The following HTRA1 variants were observed in gnomAD, a reference collection of about 807,000 sequenced individuals.
The protein encoded by HTRA1 is HtrA serine peptidase 1.
A neutral mutation model predicts 49.7 loss-of-function variants in HTRA1; 26 were observed. The ratio of observed to expected loss-of-function variants is 0.52; its 90% CI spans 0.38 to 0.73. The LOEUF (loss-of-function observed/expected upper bound fraction) is 0.73. Ranked by LOEUF, HTRA1 falls within the 30% of genes least tolerant of loss-of-function variation. HTRA1 has a pLI of 0.00. For synonymous variants in HTRA1, 291 were observed against 286.9 expected (o/e 1.01, Z -0.14); for missense variants, 561 against 667.2 (o/e 0.84, Z 1.75).
chr10:122,468,761 G>A (rs1186892480), intron 1 of HTRA1, among the ~76,000 whole-genome samples: 2 of 152,132 alleles, frequency 1.3e-5, no homozygotes, highest in Non-Finnish European at 2.9e-5. Flanking sequence ...ATGTCATCTC[G>A]TTAACTCTCC....
At chr10:122,499,583 T>C (rs996054900) in intron 3 of HTRA1, among the ~76,000 whole-genome samples, 8 of 152,162 alleles carry the variant, frequency 5.3e-5, no homozygotes, top group Non-Finnish European at 8.8e-5. Context: ...CCCCTGCCCA[T>C]GTGCTCACTT....
intron 3 of HTRA1, among the ~76,000 whole-genome samples, chr10:122,501,181 G>A (rs1433243563): frequency 6.6e-6 from 1 of 152,174 alleles, no homozygotes; most frequent in Non-Finnish European, 1.5e-5. Context: ...GGGTCGTGAA[G>A]GCTGCATACC....
At chr10:122,508,816 G>A in intron 6 of HTRA1, 46 bp downstream of exon 6, 1 of 1,135,196 alleles carries the variant, frequency 8.8e-7, no homozygotes, top group Non-Finnish European at 1.3e-6. Context: ...GATGGGGCCT[G>A]AAGCTCAGCT....
intron 1 of HTRA1, among the ~76,000 whole-genome samples, chr10:122,488,648 C>A (rs1216240456): frequency 6.6e-6 from 1 of 152,174 alleles, no homozygotes; most frequent in African/African-American, 2.4e-5. Flanking sequence ...TTGCTGGTGC[C>A]TCTGCTCAAC....
chr10:122,489,744 C>A, intron 3 of HTRA1, 118 bp downstream of exon 3: 3 of 949,914 alleles, frequency 3.2e-6, no homozygotes, highest in Non-Finnish European at 4.9e-6. Context: ...CCAGTCTGAG[C>A]CAGTCACAGG....
At chr10:122,470,377 T>C (rs1407825989) in intron 1 of HTRA1, among the ~76,000 whole-genome samples, 5 of 152,200 alleles carry the variant, frequency 3.3e-5, no homozygotes, top group Non-Finnish European at 7.3e-5. Context: ...ATAAGGGGTA[T>C]GGAGGAGCTT....
chr10:122,504,676 C>T (rs570360154), intron 3 of HTRA1, among the ~76,000 whole-genome samples: 4 of 152,320 alleles, frequency 2.6e-5, no homozygotes, highest in Non-Finnish European at 4.4e-5. Context: ...CCTGGTGTGG[C>T]CTAGTGCACA....
At position 122,510,011 on chromosome 10, in the gene HTRA1, G is replaced by A. The variant is rs541410879; in HGVS notation, c.1121-85G>A. 1.8e-4 allele frequency: 207 copies of A among 1,160,380 alleles called. 1 individual carries two copies. The African/African-American group carries it at 2.5e-3, about 14-fold the overall frequency. 71.9% of individuals were successfully genotyped at this position (1,160,380 alleles called of 1,614,324 possible). On this transcript the variant is annotated intron_variant, in intron 6 of 8. Coordinates refer to ENST00000368984, the MANE Select transcript of HTRA1 (RefSeq NM_002775.5). Reference sequence around the variant, plus strand: ...CCTTCTGTGGCCCTTCCTGCAACCTGGGGGATTGGGCCCCCGGCCCCTGGT... The same window carrying A: ...CCTTCTGTGGCCCTTCCTGCAACCTAGGGGATTGGGCCCCCGGCCCCTGGT...
intron 1 of HTRA1, among the ~76,000 whole-genome samples, chr10:122,476,298 G>A (rs1255441055): frequency 3.3e-5 from 5 of 152,174 alleles, no homozygotes; most frequent in Non-Finnish European, 7.3e-5. Context: ...AATTCAGCGA[G>A]AAACCTCACA....
chr10:122,463,111 C>T (rs2097482301), intron 1 of HTRA1, among the ~76,000 whole-genome samples: 1 of 152,398 alleles, frequency 6.6e-6, no homozygotes, highest in Admixed American at 6.5e-5. Context: ...CCGCTGCTGC[C>T]GGACCCCAGT....
chr10:122,488,189 G>T (rs1443423471), intron 1 of HTRA1, among the ~76,000 whole-genome samples: 2 of 152,180 alleles, frequency 1.3e-5, no homozygotes, highest in Non-Finnish European at 2.9e-5. Context: ...CTTTGCTCCT[G>T]CGGTGTTTCT....
rs1287521208 is a variant in HTRA1 at position 122,496,225 on chromosome 10, G to GTTTTTTTTTTTTTTTTTTTTTTTTTT, written c.777+6601_777+6602insTTTTTTTTTTTTTTTTTTTTTTTTTT. On this transcript the variant is annotated intron_variant, in intron 3 of 8. Transcript: ENST00000368984. ...CCCTTTCGTTTGCCAGAGATTGTGG[G>GTTTTTTTTTTTTTTTTTTTTTTTTTT]TTCTTTTTTTTTTTTTTTTTTTTTT... is the stretch of plus-strand genomic sequence containing the variant. Among the ~76,000 whole-genome samples the GTTTTTTTTTTTTTTTTTTTTTTTTTT allele has an allele frequency of 6.7e-4, 54 of 80,404 alleles. 24 individuals are homozygous for GTTTTTTTTTTTTTTTTTTTTTTTTTT. The highest frequency in any genetic ancestry group is 8.1e-4 in the African/African-American group (16 of 19,656). 52.7% of individuals were successfully genotyped at this position (80,404 alleles called of 152,430 possible).
At chr10:122,462,196 TG>T in intron 1 of HTRA1, 72 bp downstream of exon 1, 1 of 1,306,730 alleles carries the variant, frequency 7.7e-7, no homozygotes, top group Non-Finnish European at 1.1e-6. Context: ...GCGGGACTGG[TG>T]GGCAGGTTGA....
intron 6 of HTRA1, among the ~76,000 whole-genome samples, chr10:122,509,704 G>T (rs965685708): frequency 2.0e-5 from 3 of 152,192 alleles, no homozygotes. Context: ...AGGGGTTGCT[G>T]GAAGTTGGGG....
intron 1 of HTRA1, among the ~76,000 whole-genome samples, chr10:122,485,225 G>A (rs2097492577): frequency 6.6e-6 from 1 of 152,208 alleles, no homozygotes; most frequent in Non-Finnish European, 1.5e-5. Context: ...CTTCTGTTTA[G>A]TTATTCCTGT....
intron 1 of HTRA1, among the ~76,000 whole-genome samples, chr10:122,482,092 T>G (rs1463095733): frequency 6.6e-6 from 1 of 152,162 alleles, no homozygotes; most frequent in Admixed American, 6.5e-5. Context: ...TATCAATTAG[T>G]GGAGGCCAAA....
chr10:122,471,867 C>G (rs2097486270), intron 1 of HTRA1, among the ~76,000 whole-genome samples: 1 of 152,180 alleles, frequency 6.6e-6, no homozygotes, highest in Admixed American at 6.5e-5. Context: ...GAGAAACAGG[C>G]CTTGTTCCCT....
intron 8 of HTRA1, among the ~76,000 whole-genome samples, chr10:122,513,982 A>C (rs1261820150): frequency 6.7e-6 from 1 of 149,104 alleles, no homozygotes; most frequent in Non-Finnish European, 1.5e-5. Context: ...CAGGTGATCC[A>C]CCTGCCTCAG....
intron 3 of HTRA1, among the ~76,000 whole-genome samples, chr10:122,499,676 G>T (rs778784120): frequency 1.3e-5 from 2 of 152,178 alleles, no homozygotes; most frequent in African/African-American, 2.4e-5. Context: ...CTGCGGCCTG[G>T]TTTGATTTTC....
Sources: allele counts gnomAD v4.1 joint callset (sites outside exome capture counted in the v4.1 genomes callset), GRCh38; gene constraint gnomAD v4.1.1; transcripts MANE v1.5; gene names NCBI Gene and HGNC (gene_info 2026-07-23, HGNC 2026-07-21).